The following WWOX variants were observed in gnomAD, a reference collection of about 807,000 sequenced individuals.
WWOX encodes the protein WW domain containing oxidoreductase.
In WWOX, 69 loss-of-function variants were observed where a neutral mutation model predicts 46.2. The ratio of observed to expected loss-of-function variants is 1.49; its 90% CI spans 1.23 to 1.82. WWOX has a LOEUF of 1.82. Ranked by LOEUF, WWOX falls within the 40% of genes most tolerant of loss-of-function variation. The pLI is 0.00. For missense variants in WWOX, 919 were observed against 542.6 expected (o/e 1.69, Z -6.89); for synonymous variants, 359 against 202.6 (o/e 1.77, Z -6.56).
intron 8 of WWOX, among the ~76,000 whole-genome samples, chr16:78,801,205 A>T (rs1257756050): frequency 1.3e-5 from 2 of 151,994 alleles, no homozygotes; most frequent in African/African-American, 4.8e-5. Flanking sequence ...AAACAAACAA[A>T]CAAACACCAC....
chr16:78,132,528 G>T (rs1466708862), intron 4 of WWOX, among the ~76,000 whole-genome samples: 1 of 152,146 alleles, frequency 6.6e-6, no homozygotes, highest in Non-Finnish European at 1.5e-5. Context: ...TACGTATGCG[G>T]CCATGTGATG....
intron 8 of WWOX, among the ~76,000 whole-genome samples, chr16:79,006,790 C>T (rs1400569929): frequency 6.6e-6 from 1 of 152,124 alleles, no homozygotes; most frequent in African/African-American, 2.4e-5. Context: ...TCCCTTTCCT[C>T]CATCTTCAAA....
chr16:78,442,122 G>C (rs1385970497), intron 8 of WWOX, among the ~76,000 whole-genome samples: 2 of 151,740 alleles, frequency 1.3e-5, no homozygotes, highest in African/African-American at 4.8e-5. Context: ...GGGTGACATA[G>C]TGAGACCCTA....
chr16:78,279,705 G>T (rs2079641953), intron 5 of WWOX, among the ~76,000 whole-genome samples: 1 of 152,196 alleles, frequency 6.6e-6, no homozygotes, highest in African/African-American at 2.4e-5. Context: ...ATCCAGTGTA[G>T]TAGATTGGTA....
intron 8 of WWOX, among the ~76,000 whole-genome samples, chr16:78,977,520 C>T (rs1307268038): frequency 1.3e-5 from 2 of 152,126 alleles, no homozygotes; most frequent in African/African-American, 4.8e-5. Context: ...CCATAGACGC[C>T]CTCTCTGCAT....
At chr16:79,007,069 ACTTTGTCACAGGC>A (rs2047205799) in intron 8 of WWOX, among the ~76,000 whole-genome samples, 3 of 152,280 alleles carry the variant, frequency 2.0e-5, no homozygotes, top group Middle Eastern at 3.4e-3. Context: ...TTCCACAGGC[ACTTTGTCACAGGC>A]CAGGCGCTAT....
chr16:79,043,846 G>A (rs532630182), intron 8 of WWOX, among the ~76,000 whole-genome samples: 3 of 152,330 alleles, frequency 2.0e-5, no homozygotes, highest in East Asian at 1.9e-4. Flanking sequence ...GATGTAGAGA[G>A]CAAACTCTGG....
At position 78,854,846 on chromosome 16, in the gene WWOX, T is replaced by C. The variant is rs887125775; in HGVS notation, c.1057-356762T>C. ...ATCTGCCCTCCTCGGCCTCCCAAAG[T>C]GCTGGGATTAGAGGCCTGAGCCACC... is the stretch of plus-strand genomic sequence containing the variant. On this transcript the variant is annotated intron_variant, in intron 8 of 8. Transcript: ENST00000566780. Among the ~76,000 whole-genome samples, 9 of 151,924 alleles carry C rather than the reference T, an allele frequency of 5.9e-5. No individual in the cohort carries two copies. The South Asian group carries it at 1.9e-3, about 32-fold the overall frequency.
intron 8 of WWOX, among the ~76,000 whole-genome samples, chr16:78,708,744 T>G (rs1342222202): frequency 6.6e-6 from 1 of 152,150 alleles, no homozygotes; most frequent in African/African-American, 2.4e-5. Flanking sequence ...TTTAAAAAAT[T>G]AAAAAGATAC....
intron 8 of WWOX, among the ~76,000 whole-genome samples, chr16:78,433,307 A>T (rs1431450283): frequency 6.6e-6 from 1 of 152,156 alleles, no homozygotes; most frequent in African/African-American, 2.4e-5. Flanking sequence ...TGGATGAATC[A>T]TGGTACTGTG....
chr16:78,940,711 A>G (rs1328540479), intron 8 of WWOX, among the ~76,000 whole-genome samples: 1 of 147,594 alleles, frequency 6.8e-6, no homozygotes, highest in Admixed American at 6.8e-5. Context: ...ACCACAAAGC[A>G]TATCTACCCA....
At chr16:78,686,295 A>AGGTCAGGAGATCCAGACCATCCT (rs2047856610) in intron 8 of WWOX, among the ~76,000 whole-genome samples, 1 of 151,840 alleles carries the variant, frequency 6.6e-6, no homozygotes, top group East Asian at 1.9e-4. Context: ...GCGGATCACG[A>AGGTCAGGAGATCCAGACCATCCT]GGTCAGGAGA....
chr16:78,907,200 TA>T (rs777346875), intron 8 of WWOX, among the ~76,000 whole-genome samples: 3 of 152,036 alleles, frequency 2.0e-5, no homozygotes, highest in Non-Finnish European at 2.9e-5. Flanking sequence ...TAGGGGTGTG[TA>T]AAACCCTTGT....
intron 8 of WWOX, among the ~76,000 whole-genome samples, chr16:78,625,069 G>T (rs1033985500): frequency 2.0e-5 from 3 of 152,154 alleles, no homozygotes; most frequent in African/African-American, 7.2e-5. Context: ...CGTTTGATTT[G>T]TAGCCGCCAC....
chr16:78,799,413 T>G (rs1257055868), intron 8 of WWOX, among the ~76,000 whole-genome samples: 1 of 152,226 alleles, frequency 6.6e-6, no homozygotes, highest in Non-Finnish European at 1.5e-5. Context: ...TTTAAGAACT[T>G]ACCAGCATTT....
At chr16:79,207,428 C>A (rs547683227) in intron 8 of WWOX, among the ~76,000 whole-genome samples, 8 of 152,340 alleles carry the variant, frequency 5.3e-5, no homozygotes, top group African/African-American at 1.9e-4. Flanking sequence ...GGCTGTTCTC[C>A]TTCCCTGCTC....
At chr16:78,750,563 T>G (rs1391471916) in intron 8 of WWOX, among the ~76,000 whole-genome samples, 1 of 152,162 alleles carries the variant, frequency 6.6e-6, no homozygotes, top group Non-Finnish European at 1.5e-5. Context: ...TACTGAGATT[T>G]GGGCTTCAAT....
chr16:78,490,876 A>G (rs1191780581), intron 8 of WWOX, among the ~76,000 whole-genome samples: 2 of 152,182 alleles, frequency 1.3e-5, no homozygotes, highest in African/African-American at 4.8e-5. Flanking sequence ...CTACTGCAAA[A>G]CAGGACTCAT....
At chr16:78,280,538 A>T (rs546778347) in intron 5 of WWOX, among the ~76,000 whole-genome samples, 47 of 151,810 alleles carry the variant, frequency 3.1e-4, no homozygotes, top group Admixed American at 9.8e-4. Context: ...CAGTTTTGTA[A>T]GTGGTACAGG....
Sources: allele counts gnomAD v4.1 joint callset (sites outside exome capture counted in the v4.1 genomes callset), GRCh38; gene constraint gnomAD v4.1.1; transcripts MANE v1.5; gene names NCBI Gene and HGNC (gene_info 2026-07-23, HGNC 2026-07-21).